FAM171A1: variants seen among roughly 807,000 people sequenced by gnomAD.
FAM171A1 encodes family with sequence similarity 171 member A1, also known as protein FAM171A1.
In FAM171A1, 23 loss-of-function variants were observed where a neutral mutation model predicts 74.9. That is an observed-to-expected ratio of 0.31 (90% CI 0.22 to 0.44). The LOEUF (loss-of-function observed/expected upper bound fraction) is 0.44, where lower values mean the gene tolerates loss of function less well. Among genes scored for constraint, FAM171A1 ranks in the 20% least tolerant of loss-of-function variants. The pLI is 1.00. For missense variants in FAM171A1, 1,162 were observed against 1,159.2 expected, an observed-to-expected ratio of 1.00 and a Z score of -0.03; for synonymous variants, 527 against 505.7, an observed-to-expected ratio of 1.04 and a Z score of -0.57.
intron 1 of FAM171A1, among the ~76,000 whole-genome samples, chr10:15,284,365 A>G (rs966529354): frequency 6.6e-6 from 1 of 152,126 alleles, no homozygotes; most frequent in Non-Finnish European, 1.5e-5. Context: ...TCAACAAATG[A>G]TCAAGAGAAA....
intron 1 of FAM171A1, among the ~76,000 whole-genome samples, chr10:15,356,090 C>T (rs963075774): frequency 1.4e-4 from 21 of 151,934 alleles, no homozygotes; most frequent in African/African-American, 4.1e-4. Flanking sequence ...ACATAAACAT[C>T]GTAGTGAAAC....
At chr10:15,337,044 A>AT (rs778973685) in intron 1 of FAM171A1, among the ~76,000 whole-genome samples, 323 of 136,956 alleles carry the variant, frequency 2.4e-3, no homozygotes, top group Middle Eastern at 7.3e-3. Context: ...ACAGTTGGCT[A>AT]TTTTTTTTTT....
intron 5 of FAM171A1, among the ~76,000 whole-genome samples, chr10:15,226,086 G>A (rs960618494): frequency 2.0e-5 from 3 of 152,154 alleles, no homozygotes; most frequent in African/African-American, 4.8e-5. Flanking sequence ...GTGGCCGCTG[G>A]GACTTGCAGA....
chr10:15,277,098 A>G (rs1834904377), intron 2 of FAM171A1, among the ~76,000 whole-genome samples: 1 of 152,248 alleles, frequency 6.6e-6, no homozygotes, highest in Non-Finnish European at 1.5e-5. Flanking sequence ...AAATAAATGC[A>G]TTATAGAATA....
At chr10:15,225,136 C>T (rs1834088200) in intron 5 of FAM171A1, among the ~76,000 whole-genome samples, 1 of 152,236 alleles carries the variant, frequency 6.6e-6, no homozygotes, top group Non-Finnish European at 1.5e-5. Flanking sequence ...TATCTCCTTT[C>T]TTAGATCGTA....
At chr10:15,267,481 T>C (rs984433813) in intron 3 of FAM171A1, among the ~76,000 whole-genome samples, 1 of 151,784 alleles carries the variant, frequency 6.6e-6, no homozygotes, top group South Asian at 2.1e-4. Flanking sequence ...CACGTGTGTG[T>C]AGTCCCAGCT....
intron 5 of FAM171A1, among the ~76,000 whole-genome samples, chr10:15,243,034 T>C (rs1834382209): frequency 6.6e-6 from 1 of 152,320 alleles, no homozygotes; most frequent in African/African-American, 2.4e-5. Context: ...CTTATACTCC[T>C]GGAGGTCAGA....
intron 1 of FAM171A1, among the ~76,000 whole-genome samples, chr10:15,347,518 A>G (rs1835829701): frequency 6.6e-6 from 1 of 152,122 alleles, no homozygotes; most frequent in Non-Finnish European, 1.5e-5. Flanking sequence ...TTATGAACGG[A>G]GTCACCAAGT....
chr10:15,248,870 G>A (rs1245024900), intron 4 of FAM171A1, 55 bp from the exon 5 acceptor site: 3 of 1,510,512 alleles, frequency 2.0e-6, no homozygotes, highest in Admixed American at 4.3e-5. Context: ...ATGTGGGGCT[G>A]TGGAAACCTT....
At chr10:15,234,771 G>A (rs1328929499) in intron 5 of FAM171A1, among the ~76,000 whole-genome samples, 1 of 151,574 alleles carries the variant, frequency 6.6e-6, no homozygotes, top group African/African-American at 2.4e-5. Flanking sequence ...TCTTGCCTCT[G>A]CCTCCCGAGT....
intron 3 of FAM171A1, among the ~76,000 whole-genome samples, chr10:15,270,522 C>G (rs1834809450): frequency 6.6e-6 from 1 of 152,172 alleles, no homozygotes; most frequent in Non-Finnish European, 1.5e-5. Flanking sequence ...CAGCTCTGAA[C>G]AGAGTAGTGG....
chr10:15,266,583 A>AG (rs1382955361), intron 3 of FAM171A1, among the ~76,000 whole-genome samples: 3 of 152,124 alleles, frequency 2.0e-5, no homozygotes, highest in Admixed American at 6.5e-5. Context: ...AAGGGAGGTG[A>AG]GGCCAGGCAT....
rs534815284 is a variant in FAM171A1 at position 15,254,806 on chromosome 10, G to T, written c.492C>A (p.Asp164Glu). Residue 164 changes from aspartate to glutamate, a missense_variant, in exon 4 of 8, where the codon GAC becomes GAA. Coordinates refer to ENST00000378116, the MANE Select transcript of FAM171A1 (RefSeq NM_001010924.2). ...TGGCGGCCGTGAGAAACGCGGTCAG[G>T]TCACTGTAGCTGGTGTTCTCAGGCA... Reference protein sequence around the residue: ...LRLPENTSYSDLTAFLTAASS... With the variant: ...LRLPENTSYSELTAFLTAASS... 3.1e-6 allele frequency: 5 copies of T among 1,614,206 alleles called. No homozygotes were observed. In the Admixed American group the frequency reaches 8.3e-5, roughly 27 times the overall value.
At chr10:15,347,174 T>C (rs754698783) in intron 1 of FAM171A1, among the ~76,000 whole-genome samples, 10 of 152,222 alleles carry the variant, frequency 6.6e-5, no homozygotes, top group Non-Finnish European at 5.9e-5. Context: ...AAAAGACTTA[T>C]TCAAGATGCC....
Position 15,213,605 on chromosome 10 carries a change from T to A in FAM171A1, c.1983A>T (p.Ala661=). The A allele has an allele frequency of 6.2e-7, 1 of 1,614,124 alleles. No homozygotes were observed. Among genetic ancestry groups the A allele is most frequent in the African/African-American group, 1.3e-5 (1 of 75,028 alleles). The change falls in exon 8 of 8, where the codon GCA becomes GCT. Residue 661 remains alanine, a synonymous_variant. Transcript: ENST00000378116. The surrounding 1 kb of genome is among the most constrained non-coding windows in gnomAD (Gnocchi z 6.8). Reference sequence around the variant, plus strand: ...GGATGGAGAGAGACTCCGACATGGATGCGTTCTGAGGGCTCCACTCCCGGG... The same window carrying A: ...GGATGGAGAGAGACTCCGACATGGAAGCGTTCTGAGGGCTCCACTCCCGGG... ...AGTREWSPQN[A]SMSESLSIPA...
At chr10:15,374,484 A>G (rs1450318157), upstream of FAM171A1, among the ~76,000 whole-genome samples, 1 of 152,232 alleles carries the variant, frequency 6.6e-6, no homozygotes, top group Non-Finnish European at 1.5e-5. Context: ...CTTATCCTTT[A>G]CAGGAATAAA....
intron 4 of FAM171A1, 78 bp from the exon 5 acceptor site, chr10:15,248,893 G>A (rs188300443): frequency 7.3e-7 from 1 of 1,372,626 alleles, no homozygotes; most frequent in African/African-American, 1.5e-5. Flanking sequence ...CAAAAAAATA[G>A]TCGCAGCTAC....
chr10:15,213,753 T>A lies in FAM171A1; in HGVS notation c.1835A>T (p.Glu612Val). ...ATTGGACAGCTCAGCCTGTAGTCTT[T>A]CTATCTCAAGCTGCTGATCAGCCGG... is the stretch of plus-strand genomic sequence containing the variant. Reference protein sequence around the residue: ...VVPADQQLEIERLQAELSNPH... With the variant: ...VVPADQQLEIVRLQAELSNPH... Residue 612 changes from glutamate to valine, a missense_variant, in exon 8 of 8, where the codon GAA becomes GTA. Transcript: ENST00000378116. The surrounding 1 kb of genome is among the most constrained non-coding windows in gnomAD (Gnocchi z 6.8). The A allele has an allele frequency of 6.2e-7, 1 of 1,614,002 alleles. No homozygotes were observed. Among genetic ancestry groups the A allele is most frequent in the South Asian group, 1.1e-5 (1 of 91,072 alleles).
chr10:15,225,984 C>T (rs1834101495), intron 5 of FAM171A1, among the ~76,000 whole-genome samples: 1 of 152,182 alleles, frequency 6.6e-6, no homozygotes, highest in African/African-American at 2.4e-5. Context: ...CTCAAGCCCC[C>T]TTCACCCTGA....
Sources: gnomAD v4.1 joint callset for allele counts (sites outside exome capture counted in the v4.1 genomes callset) on GRCh38, gnomAD v4.1.1 for gene constraint, Gnocchi (gnomAD v3.1) non-coding constraint, MANE v1.5 for transcripts, NCBI Gene and HGNC (gene_info 2026-07-23, HGNC 2026-07-21) for gene names.